The following FA2H variants were observed in gnomAD, a reference collection of about 807,000 sequenced individuals.
FA2H encodes the protein fatty acid 2-hydroxylase, also known as fatty acid alpha-hydroxylase.
In FA2H, 22 loss-of-function variants were observed where a neutral mutation model predicts 44.9. That is an observed-to-expected ratio of 0.49 (90% CI 0.35 to 0.70). The LOEUF is 0.70. Among genes scored for constraint, FA2H ranks in the 30% least tolerant of loss-of-function variants. The pLI, the probability that FA2H is intolerant of heterozygous loss-of-function variation, is 0.01. For missense variants in FA2H, 501 were observed against 504.9 expected (o/e 0.99, Z 0.07); for synonymous variants, 243 against 213.2 (o/e 1.14, Z -1.22).
chr16:74,733,142 G>A (rs191098020), intron 2 of FA2H, among the ~76,000 whole-genome samples: 4 of 152,304 alleles, frequency 2.6e-5, no homozygotes, highest in Admixed American at 6.5e-5. Flanking sequence ...GCCCACCTGG[G>A]TGCCCAGGGA....
intron 1 of FA2H, among the ~76,000 whole-genome samples, chr16:74,758,498 G>GA (rs1054028742): frequency 3.3e-5 from 5 of 151,954 alleles, no homozygotes; most frequent in African/African-American, 7.3e-5. Flanking sequence ...TATTATGATA[G>GA]AAAAAATCTA....
intron 1 of FA2H, among the ~76,000 whole-genome samples, chr16:74,760,600 C>CA (rs35238472): frequency 0.19 from 29,557 of 152,042 alleles, 3,474 homozygotes; most frequent in Non-Finnish European, 0.25. Context: ...CTGCTCCCCC[C>CA]AGGAAATCCC....
chr16:74,756,839 T>C (rs931844895), intron 1 of FA2H, among the ~76,000 whole-genome samples: 10 of 152,052 alleles, frequency 6.6e-5, no homozygotes, highest in Non-Finnish European at 1.0e-4. Context: ...TTTTTTTCCT[T>C]ACACCCCATC....
chr16:74,741,969 C>T (rs968851251), intron 1 of FA2H, among the ~76,000 whole-genome samples: 16 of 151,306 alleles, frequency 1.1e-4, no homozygotes, highest in Non-Finnish European at 1.5e-4. Context: ...TATAAATGTC[C>T]TCCCTCTTCC....
rs188823690 is a variant in FA2H, at chr16:74,761,367, C to A, written c.270+13119G>T. Among the ~76,000 whole-genome samples the A allele has an allele frequency of 4.0e-5, 6 of 151,820 alleles. No individual in the cohort carries two copies. In the East Asian group the frequency reaches 1.2e-3, roughly 30 times the overall value. On this transcript the variant is annotated intron_variant, in intron 1 of 6. Coordinates refer to ENST00000219368, the MANE Select transcript of FA2H (RefSeq NM_024306.5). Reference sequence around the variant, plus strand: ...ACTCGGGAGGCTGAGACTGGAGAATCGCTTGGATCAGGGAGGCAGAGGTTG... The same window carrying A: ...ACTCGGGAGGCTGAGACTGGAGAATAGCTTGGATCAGGGAGGCAGAGGTTG...
chr16:74,741,598 C>T (rs548922923), intron 1 of FA2H, among the ~76,000 whole-genome samples: 2 of 151,650 alleles, frequency 1.3e-5, no homozygotes, highest in South Asian at 4.2e-4. Flanking sequence ...GTAGCTGGGA[C>T]TACAGGTGCA....
At chr16:74,733,647 T>C (rs937705062) in intron 2 of FA2H, among the ~76,000 whole-genome samples, 2 of 152,182 alleles carry the variant, frequency 1.3e-5, no homozygotes, top group African/African-American at 4.8e-5. Context: ...GTTTCCAACA[T>C]GGCAGTTGGC....
chr16:74,721,260 C>T (rs899112047), intron 4 of FA2H, among the ~76,000 whole-genome samples: 13 of 152,130 alleles, frequency 8.5e-5, no homozygotes, highest in South Asian at 6.2e-4. Flanking sequence ...CTCCACCTCA[C>T]GGGTTCAAGT....
At chr16:74,719,288 G>A in intron 4 of FA2H, 128 bp from the exon 5 acceptor site, 1 of 771,280 alleles carries the variant, frequency 1.3e-6, no homozygotes, top group Non-Finnish European at 2.2e-6. Context: ...ACAGGGCCAG[G>A]CCATACTGCT....
intron 1 of FA2H, among the ~76,000 whole-genome samples, chr16:74,771,999 G>T (rs1330849116): frequency 4.7e-5 from 7 of 149,598 alleles, no homozygotes; most frequent in African/African-American, 1.5e-4. Flanking sequence ...TGCCCAGGCT[G>T]AAGTGCAGTG....
At position 74,774,616 on chromosome 16, in the gene FA2H, T is replaced by C; in HGVS notation, c.140A>G (p.Glu47Gly). 4 of 1,519,406 alleles carry C rather than the reference T, an allele frequency of 2.6e-6. No individual in the cohort carries two copies. The highest frequency in any genetic ancestry group is 2.1e-4 in the Middle Eastern group (1 of 4,722). 94.1% of individuals were successfully genotyped at this position (1,519,406 alleles called of 1,614,324 possible). ...SSFVRHHPGG[E>G]QLLRARAGQD... ...GCCCGCCCTGGCCCGCAGCAGCTGCTCGCCCCCCGGGTGGTGCCGCACGAA... is the reference window on the plus strand; with the variant it reads ...GCCCGCCCTGGCCCGCAGCAGCTGCCCGCCCCCCGGGTGGTGCCGCACGAA... Residue 47 changes from glutamate (E) to glycine (G), a missense_variant, in exon 1 of 7, where the codon GAG (glutamate) becomes GGG (glycine). Physicochemically the swap from Glu to Gly is moderately conservative, Grantham distance 98 (BLOSUM62 -2). Transcript: ENST00000219368.
intron 1 of FA2H, among the ~76,000 whole-genome samples, chr16:74,765,562 T>C (rs998531266): frequency 5.3e-5 from 8 of 152,232 alleles, no homozygotes; most frequent in African/African-American, 1.9e-4. Flanking sequence ...CAAACATTTA[T>C]TTATTCATTC....
chr16:74,749,271 G>C (rs1353911300), intron 1 of FA2H, among the ~76,000 whole-genome samples: 3 of 152,304 alleles, frequency 2.0e-5, no homozygotes, highest in Admixed American at 2.0e-4. Context: ...CAGGAGTCAG[G>C]ACCGGCCAGG....
Position 74,714,178 on chromosome 16 carries a change from G to C in FA2H, c.*12C>G. On this transcript the variant is annotated 3_prime_UTR_variant, in exon 7 of 7. Coordinates refer to ENST00000219368, the MANE Select transcript of FA2H (RefSeq NM_024306.5). ...GGCCGGGCTGAGGGCAGGACGGAGG[G>C]GGTGGGAGTTGTCACTGCGTCTTCA... 1 of 1,537,362 alleles carries C rather than the reference G, an allele frequency of 6.5e-7. No homozygotes were observed. The highest frequency in any genetic ancestry group is 1.2e-5 in the South Asian group (1 of 83,968).
intron 2 of FA2H, among the ~76,000 whole-genome samples, chr16:74,732,215 G>A (rs1962084987): frequency 6.6e-6 from 1 of 152,034 alleles, no homozygotes; most frequent in Non-Finnish European, 1.5e-5. Flanking sequence ...TCCCACTTTT[G>A]CATGTTACAC....
rs960713074 is a variant in FA2H, at chr16:74,740,175, C to T, written c.271-60G>A. 22 of 1,377,906 alleles carry T rather than the reference C, an allele frequency of 1.6e-5. 1 individual carries two copies. The highest frequency in any genetic ancestry group is 8.1e-5 in the South Asian group (7 of 86,314). 85.4% of individuals were successfully genotyped at this position (1,377,906 alleles called of 1,614,324 possible). On this transcript the variant is annotated intron_variant, in intron 1 of 6. Coordinates refer to ENST00000219368, the MANE Select transcript of FA2H (RefSeq NM_024306.5). The stretch of plus-strand genomic sequence containing the variant: ...TGGGTGAGGGAAGAGGGCAGAGCCC[C>T]GAGCTGCCCCGAGAAGAGGCAGCCA...
At chr16:74,724,837 G>A (rs867284704) in intron 4 of FA2H, among the ~76,000 whole-genome samples, 13 of 152,034 alleles carry the variant, frequency 8.6e-5, no homozygotes, top group Admixed American at 2.6e-4. Context: ...GCCTCTGCCC[G>A]CCCCCTCACC....
At chr16:74,720,423 T>A (rs1004531899) in intron 4 of FA2H, among the ~76,000 whole-genome samples, 2 of 151,770 alleles carry the variant, frequency 1.3e-5, no homozygotes, top group Non-Finnish European at 2.9e-5. Context: ...CTTGAAATCC[T>A]GACCTCAAGT....
chr16:74,756,367 C>T (rs992373796), intron 1 of FA2H, among the ~76,000 whole-genome samples: 3 of 152,152 alleles, frequency 2.0e-5, no homozygotes, highest in African/African-American at 7.2e-5. Flanking sequence ...GGACGGACAA[C>T]CACTGTGGGC....
Sources: gnomAD v4.1 joint callset for allele counts (sites outside exome capture counted in the v4.1 genomes callset) on GRCh38, gnomAD v4.1.1 for gene constraint, MANE v1.5 for transcripts, NCBI Gene and HGNC (gene_info 2026-07-23, HGNC 2026-07-21) for gene names.